Variants in SLC25A21 observed in about 807,000 individuals in gnomAD.
SLC25A21 encodes the protein solute carrier family 25 member 21.
Under a neutral mutation model 43.8 loss-of-function variants are expected in SLC25A21, and 47 were observed. The ratio of observed to expected loss-of-function variants is 1.07; its 90% CI spans 0.85 to 1.37. The LOEUF (loss-of-function observed/expected upper bound fraction) is 1.37, where lower values mean the gene tolerates loss of function less well. Among genes scored for constraint, SLC25A21 ranks in the 40% most tolerant of loss-of-function variants. The pLI is 0.00. For synonymous variants in SLC25A21, 131 were observed against 121.3 expected (o/e 1.08, Z -0.52); for missense variants, 352 against 350.2 (o/e 1.00, Z -0.04).
chr14:36,978,918 T>C (rs1373765385), intron 1 of SLC25A21, among the ~76,000 whole-genome samples: 1 of 152,110 alleles, frequency 6.6e-6, no homozygotes, highest in Non-Finnish European at 1.5e-5. Context: ...CAATACCTTG[T>C]CTCTACTAAA....
At chr14:36,873,251 A>G (rs1185788080) in intron 2 of SLC25A21, among the ~76,000 whole-genome samples, 1 of 152,030 alleles carries the variant, frequency 6.6e-6, no homozygotes, top group Admixed American at 6.6e-5. Context: ...CATACCTTAC[A>G]TTTGAATATA....
intron 3 of SLC25A21, among the ~76,000 whole-genome samples, chr14:36,783,893 C>A (rs1887159244): frequency 6.6e-6 from 1 of 152,164 alleles, no homozygotes; most frequent in Non-Finnish European, 1.5e-5. Context: ...GAACTACATT[C>A]TGTGTTCTGT....
chr14:37,027,007 C>T (rs1961106488), intron 1 of SLC25A21, among the ~76,000 whole-genome samples: 1 of 152,084 alleles, frequency 6.6e-6, no homozygotes, highest in Admixed American at 6.6e-5. Flanking sequence ...TAACAGCAAT[C>T]TTAGGAAATT....
intron 7 of SLC25A21, among the ~76,000 whole-genome samples, chr14:36,686,201 A>G (rs1882534697): frequency 6.6e-6 from 1 of 152,104 alleles, no homozygotes; most frequent in Non-Finnish European, 1.5e-5. Flanking sequence ...AAATATAAAA[A>G]GCAAGGGTTT....
At chr14:37,038,960 C>A (rs1395739463) in intron 1 of SLC25A21, among the ~76,000 whole-genome samples, 1 of 152,156 alleles carries the variant, frequency 6.6e-6, no homozygotes, top group African/African-American at 2.4e-5. Flanking sequence ...GGATGCCCTT[C>A]CCCAGCCCCC....
chr14:37,024,822 T>C (rs1012263314), intron 1 of SLC25A21, among the ~76,000 whole-genome samples: 2 of 152,068 alleles, frequency 1.3e-5, no homozygotes, highest in African/African-American at 4.8e-5. Context: ...ATAATTAATC[T>C]CCTTATTTAT....
chr14:37,095,525 A>T (rs1962672710), intron 1 of SLC25A21, among the ~76,000 whole-genome samples: 1 of 152,142 alleles, frequency 6.6e-6, no homozygotes, highest in Admixed American at 6.6e-5. Context: ...CTCGACAAAC[A>T]AACAAACAAA....
Position 36,723,123 on chromosome 14 carries a change from T to C in SLC25A21, c.438+2447A>G, listed in dbSNP as rs139188096. ...GTCAATGAAGAAGGCTTCGGCATTA[T>C]TGAGTCCTAGATAAAAGACCTATAA... On this transcript the variant is annotated intron_variant, in intron 6 of 9. Transcript: ENST00000331299. Among the ~76,000 whole-genome samples, 577 of 152,346 alleles carry C rather than the reference T, an allele frequency of 3.8e-3. 4 individuals are homozygous for C. The highest frequency in any genetic ancestry group is 0.031 in the Admixed American group (477 of 15,298).
chr14:37,138,547 T>G (rs1963520517), intron 1 of SLC25A21, among the ~76,000 whole-genome samples: 1 of 152,152 alleles, frequency 6.6e-6, no homozygotes, highest in African/African-American at 2.4e-5. Context: ...TCTGTTAATA[T>G]TTATATAGCT....
intron 1 of SLC25A21, among the ~76,000 whole-genome samples, chr14:37,151,547 C>T (rs931114455): frequency 6.6e-6 from 1 of 152,142 alleles, no homozygotes; most frequent in East Asian, 1.9e-4. Flanking sequence ...TGGTATTTAA[C>T]ATAACCAGAG....
intron 1 of SLC25A21, among the ~76,000 whole-genome samples, chr14:36,875,308 G>A (rs1393311830): frequency 6.6e-6 from 1 of 152,128 alleles, no homozygotes; most frequent in African/African-American, 2.4e-5. Flanking sequence ...TGGGAGTTAT[G>A]GCTTCCCATT....
intron 3 of SLC25A21, among the ~76,000 whole-genome samples, chr14:36,807,528 C>T: frequency 6.6e-6 from 1 of 152,166 alleles, no homozygotes; most frequent in East Asian, 1.9e-4. Context: ...CCCACCCACA[C>T]TTCCACATGA....
At chr14:37,014,240 T>C (rs1960796575) in intron 1 of SLC25A21, among the ~76,000 whole-genome samples, 1 of 152,206 alleles carries the variant, frequency 6.6e-6, no homozygotes, top group South Asian at 2.1e-4. Context: ...TTTTCTATTT[T>C]CTAATGCCTT....
chr14:37,074,869 C>T (rs953499947), intron 1 of SLC25A21, among the ~76,000 whole-genome samples: 2 of 152,100 alleles, frequency 1.3e-5, no homozygotes, highest in African/African-American at 4.8e-5. Flanking sequence ...ACTCGTCACT[C>T]ATTGCTTCAT....
At chr14:36,919,758 G>T in intron 1 of SLC25A21, among the ~76,000 whole-genome samples, 1 of 151,882 alleles carries the variant, frequency 6.6e-6, no homozygotes, top group East Asian at 1.9e-4. Flanking sequence ...TAGGAATTTT[G>T]ATTGAATCAA....
intron 1 of SLC25A21, among the ~76,000 whole-genome samples, chr14:37,124,286 ACTTC>A (rs1246397082): frequency 1.3e-5 from 2 of 152,118 alleles, no homozygotes; most frequent in Non-Finnish European, 2.9e-5. Flanking sequence ...TCTTTAAGAT[ACTTC>A]CTTCTTATTT....
intron 2 of SLC25A21, among the ~76,000 whole-genome samples, chr14:36,867,330 A>T (rs1019428222): frequency 2.0e-5 from 3 of 152,138 alleles, no homozygotes; most frequent in African/African-American, 7.2e-5. Flanking sequence ...CACAATGAAG[A>T]CTACCTATTA....
intron 1 of SLC25A21, among the ~76,000 whole-genome samples, chr14:37,052,656 C>T (rs1053162350): frequency 4.7e-5 from 7 of 148,764 alleles, no homozygotes; most frequent in Admixed American, 1.3e-4. Context: ...TTTTTCCCCC[C>T]GAGACAGAGT....
intron 1 of SLC25A21, among the ~76,000 whole-genome samples, chr14:37,114,674 C>A (rs1305696917): frequency 6.6e-6 from 1 of 151,818 alleles, no homozygotes; most frequent in Admixed American, 6.6e-5. Flanking sequence ...GTGAGACAAC[C>A]TTTTTTTTGC....
Sources: gnomAD v4.1 joint callset for allele counts (sites outside exome capture counted in the v4.1 genomes callset) on GRCh38, gnomAD v4.1.1 for gene constraint, MANE v1.5 for transcripts, NCBI Gene and HGNC (gene_info 2026-07-23, HGNC 2026-07-21) for gene names.